The following VCL variants were observed in gnomAD, a reference collection of about 807,000 sequenced individuals.
VCL encodes the protein epididymis luminal protein 114.
A neutral mutation model predicts 125.7 loss-of-function variants in VCL; 47 were observed. That is an observed-to-expected ratio of 0.37 (90% CI 0.30 to 0.48). VCL has a LOEUF of 0.48. Among genes scored for constraint, VCL ranks in the 20% least tolerant of loss-of-function variants. The probability of loss-of-function intolerance (pLI) is 0.99; values close to 1 mark genes in which losing one functional copy is unlikely to be tolerated. For missense variants in VCL, 1,069 were observed against 1,455.5 expected (o/e 0.73, Z 4.32); for synonymous variants, 458 against 514.6 (o/e 0.89, Z 1.49).
rs1591724169 is a variant in VCL, at chr10:74,119,342, G to C, written c.*1173G>C. On this transcript the variant is annotated 3_prime_UTR_variant, in exon 22 of 22. Coordinates refer to ENST00000211998, the MANE Select transcript of VCL (RefSeq NM_014000.3). ...TGTCTGAAGGACACTTCCTGCCTAA[G>C]GGAGAGTGGTATTTGCAGACTAGAA... 1 of 152,412 alleles carries C rather than the reference G, an allele frequency of 6.6e-6. No homozygotes were observed. The highest frequency in any genetic ancestry group is 1.9e-4 in the East Asian group (1 of 5,184). The allele number at this position is 152,412 out of a possible 1,614,324, so 9.4% of individuals were successfully genotyped here. A position where few individuals can be genotyped will look rare whatever the true frequency, so the allele number is the denominator to read the frequency against.
intron 8 of VCL, among the ~76,000 whole-genome samples, chr10:74,086,353 G>A (rs553350659): frequency 2.0e-5 from 3 of 152,318 alleles, no homozygotes; most frequent in South Asian, 2.1e-4. Context: ...TTCAGGTTGC[G>A]TCTCTATGTT....
chr10:74,020,850 A>AAAAAC (rs1244723159), intron 1 of VCL, among the ~76,000 whole-genome samples: 1 of 151,096 alleles, frequency 6.6e-6, no homozygotes, highest in Non-Finnish European at 1.5e-5. Context: ...CAAAAAAAAA[A>AAAAAC]AAAAAAAAAA....
At chr10:74,003,182 C>T (rs1840262361) in intron 1 of VCL, among the ~76,000 whole-genome samples, 1 of 151,916 alleles carries the variant, frequency 6.6e-6, no homozygotes, top group Non-Finnish European at 1.5e-5. Flanking sequence ...AAGTGATTCT[C>T]CTGCCTCAGC....
chr10:74,082,376 ACTT>A (rs1221828091), intron 6 of VCL, 75 bp from the exon 7 acceptor site: 3 of 1,520,236 alleles, frequency 2.0e-6, no homozygotes, highest in Admixed American at 1.7e-5. Flanking sequence ...TAATGCTGTA[ACTT>A]CTTCTCTGTC....
intron 2 of VCL, among the ~76,000 whole-genome samples, chr10:74,052,666 C>T (rs1337743880): frequency 2.0e-5 from 3 of 151,920 alleles, no homozygotes; most frequent in Admixed American, 6.6e-5. Context: ...CGTGAGCCAC[C>T]GTGCTTGGCC....
At chr10:74,001,861 A>G (rs1278173816) in intron 1 of VCL, among the ~76,000 whole-genome samples, 3 of 152,164 alleles carry the variant, frequency 2.0e-5, no homozygotes, top group Non-Finnish European at 4.4e-5. Context: ...CAGATTATTT[A>G]CATACGTATG....
At chr10:74,073,629 G>A (rs1008467184) in intron 5 of VCL, among the ~76,000 whole-genome samples, 1 of 152,176 alleles carries the variant, frequency 6.6e-6, no homozygotes, top group African/African-American at 2.4e-5. Context: ...TTTAACTGTT[G>A]TTTACATCAT....
chr10:74,087,677 T>A (rs1179994440), intron 8 of VCL, among the ~76,000 whole-genome samples: 1 of 150,960 alleles, frequency 6.6e-6, no homozygotes, highest in African/African-American at 2.4e-5. Context: ...AGAAGAATTT[T>A]AAAAAGAGGC....
Position 74,071,050 on chromosome 10 carries a change from G to T in VCL, c.466G>T (p.Asp156Tyr). 6.2e-7 allele frequency: 1 copy of T among 1,614,140 alleles called. No homozygotes were observed. Among genetic ancestry groups the T allele is most frequent in the Non-Finnish European group, 8.5e-7 (1 of 1,180,004 alleles). The change falls in exon 4 of 22, where the codon GAT (aspartate) becomes TAT (tyrosine). Residue 156 changes from aspartate (D) to tyrosine (Y), a missense_variant. Physicochemically the swap from Asp to Tyr is radical, Grantham distance 160. Around this residue, in one of 6 missense-constraint regions of VCL, gnomAD observed 760 missense variants for 928.9 expected, o/e 0.82. Coordinates refer to ENST00000211998, the MANE Select transcript of VCL (RefSeq NM_014000.3). This position sits in a 1 kb window ranked among gnomAD's most constrained non-coding sequence, Gnocchi z 4.1. ...GGCAGAGGTGGTGGAGACTATGGAA[G>T]ATTTGGTCACTTACACAAAGAATCT... ...TVAEVVETME[D>Y]LVTYTKNLGP...
At chr10:74,021,737 C>T (rs910871583) in intron 1 of VCL, among the ~76,000 whole-genome samples, 1 of 152,212 alleles carries the variant, frequency 6.6e-6, no homozygotes, top group Admixed American at 6.5e-5. Flanking sequence ...AATGATAGCA[C>T]TAGAGAATGA....
At chr10:74,000,259 C>CTTTTTTTTT (rs34197555) in intron 1 of VCL, among the ~76,000 whole-genome samples, 7 of 114,828 alleles carry the variant, frequency 6.1e-5, no homozygotes, top group African/African-American at 6.7e-5. Flanking sequence ...TTGTATTTTG[C>CTTTTTTTTT]TTTTTTTTTT....
chr10:74,046,016 T>C (rs1426576285), intron 2 of VCL, among the ~76,000 whole-genome samples: 1 of 152,148 alleles, frequency 6.6e-6, no homozygotes, highest in Non-Finnish European at 1.5e-5. Context: ...CATATTGAAA[T>C]CTTCTTATTT....
At position 74,107,457 on chromosome 10, in the gene VCL, G is replaced by A. The variant is rs1264151258; in HGVS notation, c.2559+103G>A. 78 of 1,576,364 alleles carry A rather than the reference G, an allele frequency of 4.9e-5. No individual in the cohort carries two copies. In the Admixed American group the frequency reaches 1.2e-3, roughly 25 times the overall value. On this transcript the variant is annotated intron_variant, in intron 17 of 21. Transcript: ENST00000211998. ...AGAGCCTCCATCACTAGGTGGCTTC[G>A]TTTAGCTTTCATTTGAAGCTTAGTG...
intron 2 of VCL, among the ~76,000 whole-genome samples, chr10:74,060,524 C>T (rs1039233766): frequency 2.6e-5 from 4 of 151,312 alleles, no homozygotes; most frequent in Non-Finnish European, 5.9e-5. Context: ...GGCATAGTGG[C>T]GCATTCCTGT....
chr10:74,071,451 G>T lies in VCL; in HGVS notation c.499+368G>T, dbSNP rs1292016799. On this transcript the variant is annotated intron_variant, in intron 4 of 21. Coordinates refer to ENST00000211998, the MANE Select transcript of VCL (RefSeq NM_014000.3). This position sits in a 1 kb window ranked among gnomAD's most constrained non-coding sequence, Gnocchi z 4.1. ...TGCCAGCTGGCCTGTAGTTCTTTATGACCTCTTAGCTTGCTAATTAGCCTG... is the reference window on the plus strand; with the variant it reads ...TGCCAGCTGGCCTGTAGTTCTTTATTACCTCTTAGCTTGCTAATTAGCCTG... Among the ~76,000 whole-genome samples the T allele has an allele frequency of 6.6e-6, 1 of 152,152 alleles. No homozygotes were observed. Among genetic ancestry groups the T allele is most frequent in the African/African-American group, 2.4e-5 (1 of 41,442 alleles).
intron 1 of VCL, among the ~76,000 whole-genome samples, chr10:73,999,902 G>A (rs1009292146): frequency 4.6e-5 from 7 of 152,196 alleles, no homozygotes; most frequent in Non-Finnish European, 7.3e-5. Context: ...CTTATGTAGT[G>A]TTGTCTAACA....
intron 2 of VCL, among the ~76,000 whole-genome samples, chr10:74,045,030 G>A (rs1033555271): frequency 1.3e-5 from 2 of 151,908 alleles, no homozygotes; most frequent in African/African-American, 2.4e-5. Context: ...CATTAGCTCC[G>A]TGTGGTGGTG....
intron 1 of VCL, among the ~76,000 whole-genome samples, chr10:74,023,531 C>T (rs1386825272): frequency 6.6e-6 from 1 of 152,214 alleles, no homozygotes; most frequent in Non-Finnish European, 1.5e-5. Flanking sequence ...TACTGTAATT[C>T]TCTCAATTCT....
chr10:74,080,387 G>A (rs1464896931), intron 6 of VCL, among the ~76,000 whole-genome samples: 1 of 152,124 alleles, frequency 6.6e-6, no homozygotes, highest in South Asian at 2.1e-4. Flanking sequence ...AGGTTTGTAG[G>A]AGTCAGTTCC....
Sources: gnomAD v4.1 joint callset for allele counts (sites outside exome capture counted in the v4.1 genomes callset) on GRCh38, gnomAD v4.1.1 for gene constraint, gnomAD v4.1.1 regional missense constraint, Gnocchi (gnomAD v3.1) non-coding constraint, MANE v1.5 for transcripts, NCBI Gene and HGNC (gene_info 2026-07-23, HGNC 2026-07-21) for gene names.